The following CEP72 variants were observed in gnomAD, a reference collection of about 807,000 sequenced individuals.
The protein encoded by CEP72 is centrosomal protein 72.
CEP72 carries 78 observed loss-of-function variants against 65.7 expected under a neutral mutation model. That is an observed-to-expected ratio of 1.19 (90% CI 0.99 to 1.43). CEP72 has a LOEUF of 1.43. CEP72 is among the 40% of genes most tolerant of loss of function. The probability of loss-of-function intolerance (pLI) is 0.00; values close to 1 mark genes in which losing one functional copy is unlikely to be tolerated. For missense variants in CEP72, 914 were observed against 832.9 expected (o/e 1.10, Z -1.20); for synonymous variants, 358 against 351.7 (o/e 1.02, Z -0.20).
chr5:629,052 G>C (rs560397746), intron 4 of CEP72, among the ~76,000 whole-genome samples: 54 of 152,360 alleles, frequency 3.5e-4, no homozygotes, highest in African/African-American at 1.3e-3. Context: ...CTGTCCTCGG[G>C]TGGACCAGGT....
At chr5:670,870 T>C (rs1740196762), downstream of CEP72, among the ~76,000 whole-genome samples, 1 of 152,186 alleles carries the variant, frequency 6.6e-6, no homozygotes, top group South Asian at 2.1e-4. Flanking sequence ...GCTGAGCACC[T>C]GGGGGCAGGT....
chr5:613,801 T>G (rs1264469887), intron 1 of CEP72, among the ~76,000 whole-genome samples: 1 of 152,248 alleles, frequency 6.6e-6, no homozygotes, highest in Non-Finnish European at 1.5e-5. Context: ...GCGGGGCCCT[T>G]TAGACCAGCT....
chr5:625,093 G>T (rs146316472), intron 4 of CEP72, among the ~76,000 whole-genome samples: 1 of 152,194 alleles, frequency 6.6e-6, no homozygotes, highest in African/African-American at 2.4e-5. Flanking sequence ...TTCGGAGACC[G>T]TGGGCGTGTG....
chr5:673,768 C>T, the CEP72 span, among the ~76,000 whole-genome samples: 53 of 152,308 alleles, frequency 3.5e-4, no homozygotes, highest in African/African-American at 1.1e-3. Flanking sequence ...GCCCCCCAAG[C>T]GCCTGAGCAG....
chr5:641,781 C>T (rs1259482967), intron 9 of CEP72: 5 of 984,378 alleles, frequency 5.1e-6, no homozygotes, highest in Admixed American at 6.2e-5. Flanking sequence ...CGTGGTCCCC[C>T]GTCTAGAAGC....
chr5:668,612 C>T (rs559838522), downstream of CEP72, among the ~76,000 whole-genome samples: 9 of 152,350 alleles, frequency 5.9e-5, no homozygotes, highest in South Asian at 6.2e-4. Flanking sequence ...CACACCCGGC[C>T]GAGCAACGCG....
downstream of CEP72, among the ~76,000 whole-genome samples, chr5:658,361 T>G (rs1422866163): frequency 6.6e-6 from 1 of 152,242 alleles, no homozygotes; most frequent in African/African-American, 2.4e-5. Flanking sequence ...CTCCCCTTGC[T>G]GCTGTTCAGG....
In CEP72 at chr5:647,869, C is replaced by G. The variant is rs145485719; in HGVS notation, c.1731C>G (p.His577Gln). ...TGGAACTGAAGCAGCACCTGGAGCA[C>G]TACGACAAGATCCAGGAGCTCACGC... ...EIVELKQHLE[H>Q]YDKIQELTQM... is the part of the protein sequence containing the mutation. The change falls in exon 11 of 12, where the codon CAC becomes CAG. Residue 577 changes from histidine (H) to glutamine (Q), a missense_variant. Coordinates refer to ENST00000264935, the MANE Select transcript of CEP72 (RefSeq NM_018140.4). 3 of 1,612,652 alleles carry G rather than the reference C, an allele frequency of 1.9e-6. No homozygotes were observed. The highest frequency in any genetic ancestry group is 2.5e-6 in the Non-Finnish European group (3 of 1,179,932).
rs10056981 is a variant in CEP72 at position 645,787 on chromosome 5, G to A, written c.1666+1362G>A. On this transcript the variant is annotated intron_variant, in intron 10 of 11. Coordinates refer to ENST00000264935, the MANE Select transcript of CEP72 (RefSeq NM_018140.4). The surrounding 1 kb of genome is among the most constrained non-coding windows in gnomAD (Gnocchi z 4.0). ...TTACTCGGTCTTAAATGTATGCATA[G>A]CTCCCATTTATTTTAGTGTTTAATG... is the stretch of plus-strand genomic sequence containing the variant. Among the ~76,000 whole-genome samples the A allele has an allele frequency of 2.5e-3, 381 of 152,352 alleles. 2 individuals carry two copies. Among genetic ancestry groups the A allele is most frequent in the African/African-American group, 8.7e-3 (361 of 41,574 alleles).
downstream of CEP72, among the ~76,000 whole-genome samples, chr5:670,801 G>A: frequency 6.6e-6 from 1 of 152,208 alleles, no homozygotes. Context: ...GCCGACAGAG[G>A]TCGGTGGCAA....
chr5:654,327 T>TGTGCGCTGTGTGTGCGCGCAC (rs1739304708), downstream of CEP72, among the ~76,000 whole-genome samples: 1 of 147,194 alleles, frequency 6.8e-6, no homozygotes, highest in Non-Finnish European at 1.5e-5. Context: ...TACGCTTGTG[T>TGTGCGCTGTGTGTGCGCGCAC]GTGCGCTGTG....
intron 9 of CEP72, chr5:643,773 T>A: frequency 2.0e-6 from 1 of 503,812 alleles, no homozygotes; most frequent in Non-Finnish European, 2.6e-6. Context: ...GGCTGCCGTG[T>A]AGCTGCAGGC....
intron 10 of CEP72, among the ~76,000 whole-genome samples, chr5:646,850 T>A (rs1738461359): frequency 2.0e-5 from 3 of 152,204 alleles, no homozygotes; most frequent in African/African-American, 7.2e-5. Context: ...ACATGATGTG[T>A]GACTTGTGGC....
chr5:617,884 C>A (rs1736097250), intron 1 of CEP72, among the ~76,000 whole-genome samples: 1 of 152,168 alleles, frequency 6.6e-6, no homozygotes, highest in South Asian at 2.1e-4. Context: ...ACAAAAAAAC[C>A]AAAACATATT....
At chr5:647,352 T>C (rs1171881202) in intron 10 of CEP72, among the ~76,000 whole-genome samples, 1 of 152,276 alleles carries the variant, frequency 6.6e-6, no homozygotes, top group African/African-American at 2.4e-5. Context: ...CAGCCACATA[T>C]TCCATCACTG....
chr5:656,498 T>C (rs574230102), downstream of CEP72, among the ~76,000 whole-genome samples: 3 of 148,564 alleles, frequency 2.0e-5, no homozygotes, highest in South Asian at 6.2e-4. Flanking sequence ...GTCTTGTATG[T>C]CTTTTGTTAC....
chr5:672,562 G>A, the CEP72 span, among the ~76,000 whole-genome samples: 2 of 152,254 alleles, frequency 1.3e-5, no homozygotes, highest in Admixed American at 1.3e-4. Context: ...CAGTGAGCAA[G>A]GCTGGCAGAC....
intron 1 of CEP72, among the ~76,000 whole-genome samples, chr5:617,420 A>G (rs1168195961): frequency 6.6e-6 from 1 of 152,202 alleles, no homozygotes; most frequent in Admixed American, 6.5e-5. Context: ...TCATGCCTGT[A>G]GTCTTGGGAG....
chr5:622,380 A>C (rs1736449747), intron 3 of CEP72, among the ~76,000 whole-genome samples: 1 of 152,216 alleles, frequency 6.6e-6, no homozygotes, highest in African/African-American at 2.4e-5. Context: ...TCCCCTGGGC[A>C]CTGGGGGCTG....
Sources: gnomAD v4.1 joint callset for allele counts (sites outside exome capture counted in the v4.1 genomes callset) on GRCh38, gnomAD v4.1.1 for gene constraint, Gnocchi (gnomAD v3.1) non-coding constraint, MANE v1.5 for transcripts, NCBI Gene and HGNC (gene_info 2026-07-23, HGNC 2026-07-21) for gene names.